Variants in ZDHHC20 observed in about 807,000 individuals in gnomAD.
The protein encoded by ZDHHC20 is zDHHC palmitoyltransferase 20.
Under a neutral mutation model 57.8 loss-of-function variants are expected in ZDHHC20, and 43 were observed. The ratio of observed to expected loss-of-function variants is 0.74; its 90% CI spans 0.58 to 0.96. The LOEUF is 0.96. Among genes scored for constraint, ZDHHC20 ranks in the 40% least tolerant of loss-of-function variants. The probability of loss-of-function intolerance (pLI) is 0.00; values close to 1 mark genes in which losing one functional copy is unlikely to be tolerated. For synonymous variants in ZDHHC20, 157 were observed against 153.0 expected, an observed-to-expected ratio of 1.03 and a Z score of -0.19; for missense variants, 391 against 441.1, an observed-to-expected ratio of 0.89 and a Z score of 1.02.
chr13:21,443,944 C>T (rs1447596263), intron 1 of ZDHHC20, among the ~76,000 whole-genome samples: 1 of 152,152 alleles, frequency 6.6e-6, no homozygotes, highest in Non-Finnish European at 1.5e-5. Context: ...AGGAGGACCA[C>T]CTGACGTCAG....
intron 1 of ZDHHC20, among the ~76,000 whole-genome samples, chr13:21,436,358 T>C (rs1882540700): frequency 6.6e-6 from 1 of 152,266 alleles, no homozygotes. Flanking sequence ...GCAGACATTA[T>C]GTTTTTTACA....
chr13:21,430,732 T>C (rs901794580), intron 1 of ZDHHC20, among the ~76,000 whole-genome samples: 1 of 152,120 alleles, frequency 6.6e-6, no homozygotes, highest in African/African-American at 2.4e-5. Context: ...TATTCATTGG[T>C]GTTTCCAGGT....
chr13:21,428,004 C>CCTCCT (rs1343247274), intron 1 of ZDHHC20, among the ~76,000 whole-genome samples: 3 of 152,040 alleles, frequency 2.0e-5, no homozygotes, highest in Admixed American at 2.0e-4. Flanking sequence ...GTTTACAGTT[C>CCTCCT]ATAGTTCCTC....
chr13:21,409,181 T>A (rs766852000), intron 4 of ZDHHC20, among the ~76,000 whole-genome samples: 3 of 152,208 alleles, frequency 2.0e-5, no homozygotes, highest in Admixed American at 6.5e-5. Flanking sequence ...TTAGAAGGAA[T>A]GGTACCACCT....
intron 1 of ZDHHC20, among the ~76,000 whole-genome samples, chr13:21,428,901 C>A (rs1881601256): frequency 1.3e-5 from 2 of 151,882 alleles, no homozygotes; most frequent in Admixed American, 1.3e-4. Context: ...AAAACAACAA[C>A]AAAAAAACCC....
chr13:21,418,061 ATTAAT>A (rs766860504), intron 3 of ZDHHC20, among the ~76,000 whole-genome samples: 13 of 152,196 alleles, frequency 8.5e-5, no homozygotes, highest in African/African-American at 1.2e-4. Context: ...TTAATAATTA[ATTAAT>A]TTAATAGTTA....
chr13:21,418,381 C>CA (rs1029086300), intron 3 of ZDHHC20, among the ~76,000 whole-genome samples: 7 of 151,514 alleles, frequency 4.6e-5, no homozygotes, highest in African/African-American at 9.7e-5. Context: ...GAACCACCAC[C>CA]AAAAAAAATA....
In ZDHHC20 at chr13:21,459,157, C is replaced by A. The variant is rs375198122; in HGVS notation, c.15G>T (p.Thr5=). 1.2e-6 allele frequency: 2 copies of A among 1,600,836 alleles called. No homozygotes were observed. The highest frequency in any genetic ancestry group is 1.1e-5 in the South Asian group (1 of 89,394). MAPW[T]LWRCCQRVVG... ...CGACGCGCTGGCAGCAGCGCCACAGCGTCCAGGGCGCCATGTTCCGCTGGC... is the reference window on the plus strand; with the variant it reads ...CGACGCGCTGGCAGCAGCGCCACAGAGTCCAGGGCGCCATGTTCCGCTGGC... The change falls in exon 1 of 13, where the codon ACG becomes ACT. Residue 5 remains threonine (T), a synonymous_variant. Transcript: ENST00000400590.
At chr13:21,404,415 A>G in intron 4 of ZDHHC20, 1 of 457,958 alleles carries the variant, frequency 2.2e-6, no homozygotes, top group Non-Finnish European at 4.4e-6. Flanking sequence ...GGTTTTTGAC[A>G]ACCCTAATAT....
chr13:21,440,896 AAGAG>A (rs1209756239), intron 1 of ZDHHC20, among the ~76,000 whole-genome samples: 2 of 152,044 alleles, frequency 1.3e-5, no homozygotes, highest in African/African-American at 2.4e-5. Flanking sequence ...TTAAAAAAAA[AAGAG>A]AGAGAGAGAC....
At chr13:21,376,691 G>C in intron 12 of ZDHHC20, 36 bp from the exon 13 acceptor site, 1 of 1,317,898 alleles carries the variant, frequency 7.6e-7, no homozygotes, top group Non-Finnish European at 1.0e-6. Context: ...GTTAAAACTT[G>C]ATTTTTTATT....
chr13:21,401,650 T>C lies in ZDHHC20; in HGVS notation c.473+3A>G. On this transcript the variant is annotated splice_donor_region_variant and intron_variant, in intron 6 of 12. Transcript: ENST00000400590. ...GCAATTTCTTCTGTTTTTTTATACA[T>C]ACCAAGGACAGTGATGATCCATCTT... 1 of 1,539,858 alleles carries C rather than the reference T, an allele frequency of 6.5e-7. No homozygotes were observed.
intron 1 of ZDHHC20, among the ~76,000 whole-genome samples, chr13:21,449,533 A>C (rs1215603701): frequency 1.3e-5 from 2 of 152,222 alleles, no homozygotes; most frequent in Non-Finnish European, 2.9e-5. Context: ...TCCAGAACTC[A>C]CATATCTACC....
At chr13:21,439,360 C>A (rs1160517363) in intron 1 of ZDHHC20, among the ~76,000 whole-genome samples, 1 of 151,950 alleles carries the variant, frequency 6.6e-6, no homozygotes, top group Non-Finnish European at 1.5e-5. Context: ...ATTAGCCAGG[C>A]ATGGTGGCAT....
At chr13:21,414,065 T>C (rs1264104071) in intron 3 of ZDHHC20, among the ~76,000 whole-genome samples, 2 of 152,146 alleles carry the variant, frequency 1.3e-5, no homozygotes, top group African/African-American at 4.8e-5. Flanking sequence ...GCTTAATATA[T>C]AGTCTCCATT....
intron 1 of ZDHHC20, among the ~76,000 whole-genome samples, chr13:21,427,861 C>T (rs1273583340): frequency 7.1e-6 from 1 of 141,220 alleles, no homozygotes; most frequent in Admixed American, 7.1e-5. Flanking sequence ...AAAAACCAAA[C>T]CAACAATGGC....
Position 21,459,081 on chromosome 13 carries a change from A to C in ZDHHC20, c.91T>G (p.Tyr31Asp), listed in dbSNP as rs775755497. ...ACGCAGAGCTCCACCACGTACGCGTAGTAGGACCAGACGACCACGAAGGTG... is the reference window on the plus strand; with the variant it reads ...ACGCAGAGCTCCACCACGTACGCGTCGTAGGACCAGACGACCACGAAGGTG... ...FITFVVVWSYYAYVVELCVFT... is the reference protein window; with the variant it reads ...FITFVVVWSYDAYVVELCVFT... Residue 31 changes from tyrosine (Y) to aspartate (D), a missense_variant, in exon 1 of 13, where the codon TAC becomes GAC. Tyr to Asp is a radical substitution (Grantham distance 160, BLOSUM62 -3). Transcript: ENST00000400590. The C allele has an allele frequency of 1.9e-6, 3 of 1,605,586 alleles. No homozygotes were observed. The highest frequency in any genetic ancestry group is 2.5e-6 in the Non-Finnish European group (3 of 1,176,726).
intron 12 of ZDHHC20, 38 bp downstream of exon 12, chr13:21,378,623 G>A (rs907733791): frequency 1.1e-5 from 12 of 1,139,194 alleles, no homozygotes; most frequent in Non-Finnish European, 1.4e-5. Context: ...ATGCAAATAA[G>A]CTGCATTTAT....
chr13:21,427,655 G>A (rs1881414138), intron 1 of ZDHHC20, among the ~76,000 whole-genome samples: 1 of 151,964 alleles, frequency 6.6e-6, no homozygotes. Flanking sequence ...CCAACATGGT[G>A]AAACCCCGTC....
Sources: gnomAD v4.1 joint callset for allele counts (sites outside exome capture counted in the v4.1 genomes callset) on GRCh38, gnomAD v4.1.1 for gene constraint, MANE v1.5 for transcripts, NCBI Gene and HGNC (gene_info 2026-07-23, HGNC 2026-07-21) for gene names.